Variants in SNX29 observed in about 807,000 individuals in gnomAD.
SNX29 encodes sorting nexin 29.
SNX29 carries 78 observed loss-of-function variants against 102.1 expected under a neutral mutation model. That is an observed-to-expected ratio of 0.76 (90% confidence interval 0.64 to 0.92). The LOEUF is 0.92. Ranked by LOEUF, SNX29 falls within the 40% of genes least tolerant of loss-of-function variation. SNX29 has a pLI of 0.00. For synonymous variants in SNX29, 580 were observed against 414.5 expected (o/e 1.40, Z -4.85); for missense variants, 1,280 against 1,061.7 (o/e 1.21, Z -2.86).
intron 14 of SNX29, among the ~76,000 whole-genome samples, chr16:12,253,125 C>T (rs1410034664): frequency 1.3e-5 from 2 of 152,188 alleles, no homozygotes; most frequent in South Asian, 2.1e-4. Flanking sequence ...ACCCTCCTGC[C>T]CCTCAGCAGC....
intron 3 of SNX29, among the ~76,000 whole-genome samples, chr16:12,009,746 A>C (rs1251983690): frequency 6.6e-6 from 1 of 152,158 alleles, no homozygotes; most frequent in Non-Finnish European, 1.5e-5. Flanking sequence ...CATTGAAATT[A>C]TTCCATGTTC....
chr16:12,477,316 C>T (rs932358932), intron 18 of SNX29, among the ~76,000 whole-genome samples: 5 of 152,260 alleles, frequency 3.3e-5, no homozygotes, highest in South Asian at 2.1e-4. Flanking sequence ...ACCTTTGGAG[C>T]GAGGTGCTCC....
chr16:12,417,889 C>T lies in SNX29; in HGVS notation c.2037+14360C>T, dbSNP rs553012382. Among the ~76,000 whole-genome samples the T allele has an allele frequency of 6.6e-5, 10 of 152,276 alleles. 1 individual carries two copies. In the South Asian group the frequency reaches 8.3e-4, roughly 13 times the overall value. On this transcript the variant is annotated intron_variant, in intron 18 of 20. Transcript: ENST00000566228. ...GAAGAGAAGCGCTGTATGCCGACAGCGAGTGAGCTTTCTCTGCCTGCAGTA... is the reference window on the plus strand; with the variant it reads ...GAAGAGAAGCGCTGTATGCCGACAGTGAGTGAGCTTTCTCTGCCTGCAGTA...
chr16:12,150,971 C>G (rs1297643608), intron 13 of SNX29, among the ~76,000 whole-genome samples: 1 of 152,168 alleles, frequency 6.6e-6, no homozygotes, highest in African/African-American at 2.4e-5. Context: ...AGAGGACCTT[C>G]CCAGCAAAGA....
At position 12,153,833 on chromosome 16, in the gene SNX29, T is replaced by C. The variant is rs117233231; in HGVS notation, c.1595+24075T>C. 2.0e-3 allele frequency among the ~76,000 whole-genome samples: 302 copies of C among 152,266 alleles called. 7 individuals are homozygous for C. The East Asian group carries it at 0.048, about 24-fold the overall frequency. ...GAATGCAGCTTTTTCCAGAAAGTTT[T>C]ATGTAGCAAGCCGGTGTGACAGGAA... On this transcript the variant is annotated intron_variant, in intron 13 of 20. Transcript: ENST00000566228.
rs535970066 is a variant in SNX29 at position 12,540,640 on chromosome 16, C to G, written c.2318+15799C>G. On this transcript the variant is annotated intron_variant, in intron 20 of 20. Transcript: ENST00000566228. ...GACCTAAAGAGTCCAGGATCATCTC[C>G]CCATCTCAAAAGCCTGAATGTAACC... is the stretch of plus-strand genomic sequence containing the variant. 2.2e-4 allele frequency among the ~76,000 whole-genome samples: 33 copies of G among 152,312 alleles called. 1 individual carries two copies. Among genetic ancestry groups the G allele is most frequent in the Middle Eastern group, 3.4e-3 (1 of 294 alleles).
intron 20 of SNX29, among the ~76,000 whole-genome samples, chr16:12,558,802 G>A (rs571943742): frequency 2.0e-4 from 30 of 152,312 alleles, no homozygotes; most frequent in African/African-American, 6.7e-4. Flanking sequence ...TTATCTGCCT[G>A]ATAAGGGCTC....
intron 18 of SNX29, among the ~76,000 whole-genome samples, chr16:12,427,584 G>A (rs755159556): frequency 1.3e-5 from 2 of 151,766 alleles, no homozygotes; most frequent in East Asian, 3.9e-4. Flanking sequence ...TCTCTATTCG[G>A]TTGTTGGTAT....
At chr16:12,274,151 C>T (rs916539729) in intron 14 of SNX29, among the ~76,000 whole-genome samples, 3 of 152,176 alleles carry the variant, frequency 2.0e-5, no homozygotes. Context: ...TCTGAAAATG[C>T]CTTTATCCTG....
chr16:12,049,492 G>T (rs1420317068), intron 7 of SNX29, among the ~76,000 whole-genome samples: 1 of 151,980 alleles, frequency 6.6e-6, no homozygotes, highest in Non-Finnish European at 1.5e-5. Context: ...GCCAACATGC[G>T]TGGTTTCTTT....
intron 19 of SNX29, among the ~76,000 whole-genome samples, chr16:12,496,409 C>T (rs1392389370): frequency 6.6e-6 from 1 of 151,896 alleles, no homozygotes; most frequent in Non-Finnish European, 1.5e-5. Context: ...TCGTTGCAAC[C>T]ATTGTGAGGC....
chr16:12,181,590 C>A (rs916421473), intron 13 of SNX29, among the ~76,000 whole-genome samples: 18 of 152,060 alleles, frequency 1.2e-4, no homozygotes, highest in Non-Finnish European at 2.5e-4. Flanking sequence ...GATATGGGGG[C>A]CCCAAGATTT....
chr16:12,414,120 C>A (rs542099578), intron 18 of SNX29, among the ~76,000 whole-genome samples: 4 of 152,154 alleles, frequency 2.6e-5, no homozygotes, highest in Non-Finnish European at 4.4e-5. Context: ...TGTGCATGTT[C>A]AGTAGAGATG....
chr16:12,414,085 A>G (rs2084522661), intron 18 of SNX29, among the ~76,000 whole-genome samples: 1 of 152,220 alleles, frequency 6.6e-6, no homozygotes, highest in Non-Finnish European at 1.5e-5. Flanking sequence ...GGTATTGCTT[A>G]GGGAATAATG....
At chr16:12,537,965 A>G (rs902287539) in intron 20 of SNX29, among the ~76,000 whole-genome samples, 26 of 142,696 alleles carry the variant, frequency 1.8e-4, no homozygotes, top group African/African-American at 6.9e-4. Context: ...AGCCTGGGCA[A>G]TAGAGCAAAA....
intron 18 of SNX29, among the ~76,000 whole-genome samples, chr16:12,474,242 C>T (rs563450581): frequency 3.9e-5 from 6 of 152,272 alleles, no homozygotes; most frequent in East Asian, 1.9e-4. Context: ...GATTAACTTG[C>T]GGCTGGGCAG....
At chr16:12,237,300 G>A (rs2077965711) in intron 14 of SNX29, among the ~76,000 whole-genome samples, 2 of 152,242 alleles carry the variant, frequency 1.3e-5, no homozygotes, top group Non-Finnish European at 2.9e-5. Context: ...GTCCACTGAA[G>A]GGCCTTTGGG....
chr16:12,184,102 C>G (rs1596456096), intron 13 of SNX29, among the ~76,000 whole-genome samples: 2 of 152,272 alleles, frequency 1.3e-5, no homozygotes, highest in East Asian at 3.9e-4. Context: ...ATGGACTCAC[C>G]CTAATTTCTT....
chr16:12,525,194 C>T (rs536037622), intron 20 of SNX29, among the ~76,000 whole-genome samples: 96 of 152,266 alleles, frequency 6.3e-4, no homozygotes, highest in African/African-American at 2.2e-3. Context: ...GTCAGTGTTT[C>T]TCAAGCTTGG....
Sources: allele counts gnomAD v4.1 joint callset (sites outside exome capture counted in the v4.1 genomes callset), GRCh38; gene constraint gnomAD v4.1.1; transcripts MANE v1.5; gene names NCBI Gene and HGNC (gene_info 2026-07-23, HGNC 2026-07-21).